Variants in PTPRM observed in about 807,000 individuals in gnomAD.
PTPRM encodes protein tyrosine phosphatase receptor type M.
A neutral mutation model predicts 186.7 loss-of-function variants in PTPRM; 47 were observed. The ratio of observed to expected loss-of-function variants is 0.25; its 90% CI spans 0.20 to 0.32. The LOEUF (loss-of-function observed/expected upper bound fraction) is 0.32. Among genes scored for constraint, PTPRM ranks in the 10% least tolerant of loss-of-function variants. The pLI, the probability that PTPRM is intolerant of heterozygous loss-of-function variation, is 1.00. For synonymous variants in PTPRM, 668 were observed against 674.9 expected (o/e 0.99, Z 0.16); for missense variants, 1,494 against 1,865.0 (o/e 0.80, Z 3.66).
At chr18:7,895,650 G>T (rs1210620329) in intron 3 of PTPRM, among the ~76,000 whole-genome samples, 1 of 152,168 alleles carries the variant, frequency 6.6e-6, no homozygotes, top group African/African-American at 2.4e-5. Flanking sequence ...ATGACCTTCT[G>T]TGCCTTCTTC....
chr18:7,724,658 G>A (rs989172120), intron 1 of PTPRM, among the ~76,000 whole-genome samples: 6 of 152,130 alleles, frequency 3.9e-5, no homozygotes, highest in African/African-American at 1.4e-4. Flanking sequence ...AATTCCCAGT[G>A]GTCAGAGGAC....
At chr18:7,835,566 A>T (rs985837707) in intron 2 of PTPRM, among the ~76,000 whole-genome samples, 1 of 152,118 alleles carries the variant, frequency 6.6e-6, no homozygotes, top group East Asian at 1.9e-4. Flanking sequence ...CTTTGGATGA[A>T]ATGTTCTGTA....
chr18:7,998,450 A>G (rs941750596), intron 7 of PTPRM, among the ~76,000 whole-genome samples: 1 of 152,152 alleles, frequency 6.6e-6, no homozygotes, highest in Admixed American at 6.6e-5. Context: ...AAAATATTAC[A>G]TGTACTCCAC....
intron 7 of PTPRM, among the ~76,000 whole-genome samples, chr18:8,069,285 T>G (rs992691399): frequency 1.3e-5 from 2 of 152,182 alleles, no homozygotes; most frequent in African/African-American, 4.8e-5. Flanking sequence ...TCCTTCATCA[T>G]TGCTTTGAAT....
chr18:7,875,818 A>G lies in PTPRM; in HGVS notation c.197-12288A>G, dbSNP rs554638836. On this transcript the variant is annotated intron_variant, in intron 2 of 32. Transcript: ENST00000580170. Reference sequence around the variant, plus strand: ...TTGATGACAAGGATGCATTCTGAGAAATGTATCGTCAGGCGATTTTTTTTC... The same window carrying G: ...TTGATGACAAGGATGCATTCTGAGAGATGTATCGTCAGGCGATTTTTTTTC... Among the ~76,000 whole-genome samples the G allele has an allele frequency of 2.0e-5, 3 of 152,298 alleles. No individual in the cohort carries two copies. In the South Asian group the frequency reaches 6.2e-4, roughly 32 times the overall value.
At chr18:8,077,705 G>A (rs1230514714) in intron 9 of PTPRM, among the ~76,000 whole-genome samples, 2 of 151,958 alleles carry the variant, frequency 1.3e-5, no homozygotes, top group African/African-American at 2.4e-5. Context: ...CTCAGTTTTG[G>A]GGGATTTTTA....
chr18:8,081,432 G>A (rs1271455867), intron 9 of PTPRM, among the ~76,000 whole-genome samples: 1 of 152,206 alleles, frequency 6.6e-6, no homozygotes, highest in Non-Finnish European at 1.5e-5. Context: ...TGGACCTTCA[G>A]CCAGGGACAG....
chr18:8,328,028 A>G (rs570818534), intron 22 of PTPRM, among the ~76,000 whole-genome samples: 227 of 152,340 alleles, frequency 1.5e-3, no homozygotes, highest in Non-Finnish European at 2.8e-3. Flanking sequence ...AGCCTCAAAC[A>G]CTGCACAACA....
intron 7 of PTPRM, among the ~76,000 whole-genome samples, chr18:7,986,970 G>A (rs1478506743): frequency 6.6e-6 from 1 of 152,200 alleles, no homozygotes; most frequent in East Asian, 1.9e-4. Flanking sequence ...CAAGGAGACA[G>A]ATCCCAGTAG....
At chr18:8,310,772 C>T (rs940460735) in intron 20 of PTPRM, among the ~76,000 whole-genome samples, 5 of 152,030 alleles carry the variant, frequency 3.3e-5, no homozygotes, top group Non-Finnish European at 5.9e-5. Context: ...ACTCAAGCAC[C>T]GTAAATCTAA....
At chr18:8,225,747 G>T (rs1279640251) in intron 14 of PTPRM, among the ~76,000 whole-genome samples, 1 of 152,180 alleles carries the variant, frequency 6.6e-6, no homozygotes, top group African/African-American at 2.4e-5. Context: ...TATGACCTCA[G>T]GGTAGGGAAC....
intron 2 of PTPRM, among the ~76,000 whole-genome samples, chr18:7,855,628 A>G (rs1286212422): frequency 6.6e-6 from 1 of 152,244 alleles, no homozygotes; most frequent in Non-Finnish European, 1.5e-5. Flanking sequence ...GTTTGTGAGA[A>G]CTAAGTAAGC....
chr18:8,161,930 A>G (rs985476694), intron 14 of PTPRM, among the ~76,000 whole-genome samples: 5 of 152,092 alleles, frequency 3.3e-5, no homozygotes, highest in East Asian at 3.9e-4. Context: ...TGTGCCTCCC[A>G]TTTCTAATTA....
chr18:8,390,805 G>A (rs2095806363), intron 31 of PTPRM, among the ~76,000 whole-genome samples: 2 of 151,986 alleles, frequency 1.3e-5, no homozygotes, highest in African/African-American at 4.8e-5. Flanking sequence ...GCAGGTGCCT[G>A]TAGTCCCAGC....
At chr18:7,886,040 T>G (rs2048766860) in intron 2 of PTPRM, among the ~76,000 whole-genome samples, 4 of 152,172 alleles carry the variant, frequency 2.6e-5, no homozygotes, top group Admixed American at 2.6e-4. Flanking sequence ...CAATGAGAGA[T>G]ACAATATTCT....
intron 2 of PTPRM, among the ~76,000 whole-genome samples, chr18:7,818,056 C>T (rs1281982382): frequency 1.3e-5 from 2 of 152,198 alleles, no homozygotes; most frequent in Non-Finnish European, 2.9e-5. Context: ...ATTCACTTCC[C>T]TCCTCCAGGG....
At chr18:8,340,624 C>T (rs1216976837) in intron 22 of PTPRM, among the ~76,000 whole-genome samples, 2 of 152,140 alleles carry the variant, frequency 1.3e-5, no homozygotes, top group Non-Finnish European at 2.9e-5. Flanking sequence ...CTTCTACATC[C>T]AAGCAAAACA....
At chr18:7,600,860 G>T (rs995650145) in intron 1 of PTPRM, among the ~76,000 whole-genome samples, 1 of 152,236 alleles carries the variant, frequency 6.6e-6, no homozygotes, top group African/African-American at 2.4e-5. Context: ...GTGTCTACCT[G>T]GGCCTCTAGG....
intron 1 of PTPRM, among the ~76,000 whole-genome samples, chr18:7,755,899 C>T (rs540491061): frequency 8.4e-4 from 128 of 152,320 alleles, no homozygotes; most frequent in African/African-American, 2.4e-3. Context: ...TGTTCTCCCT[C>T]TAGTGTTCCA....
Sources: allele counts gnomAD v4.1 joint callset (sites outside exome capture counted in the v4.1 genomes callset), GRCh38; gene constraint gnomAD v4.1.1; transcripts MANE v1.5; gene names NCBI Gene and HGNC (gene_info 2026-07-23, HGNC 2026-07-21).